Variants in PCDH15 observed in about 807,000 individuals in gnomAD.
PCDH15 encodes the protein protocadherin related 15, also known as protocadherin-15.
In PCDH15, 129 loss-of-function variants were observed where a neutral mutation model predicts 178.5. The ratio of observed to expected loss-of-function variants is 0.72; its 90% confidence interval spans 0.63 to 0.84. The LOEUF (loss-of-function observed/expected upper bound fraction) is 0.84. PCDH15 is among the 40% of genes least tolerant of loss of function. PCDH15 has a pLI of 0.00. For missense variants in PCDH15, 2,230 were observed against 2,099.9 expected (o/e 1.06, Z -1.21); for synonymous variants, 800 against 732.0 (o/e 1.09, Z -1.50).
intron 1 of PCDH15, among the ~76,000 whole-genome samples, chr10:55,206,866 A>T (rs1840416043): frequency 6.6e-6 from 1 of 152,096 alleles, no homozygotes; most frequent in Admixed American, 6.5e-5. Flanking sequence ...TTAAGCTAAA[A>T]GTAGATAGAT....
chr10:55,130,211 T>C (rs1426282526), intron 2 of PCDH15, among the ~76,000 whole-genome samples: 1 of 151,928 alleles, frequency 6.6e-6, no homozygotes, highest in African/African-American at 2.4e-5. Flanking sequence ...TGGATGTAGA[T>C]AGAAGGAGTG....
chr10:54,603,519 T>G (rs2092628911), intron 2 of PCDH15, among the ~76,000 whole-genome samples: 2 of 151,598 alleles, frequency 1.3e-5, no homozygotes, highest in Non-Finnish European at 2.9e-5. Flanking sequence ...CAGAAACATT[T>G]AATAGGTATT....
At chr10:54,707,098 G>T (rs537747710) in intron 1 of PCDH15, among the ~76,000 whole-genome samples, 1 of 152,238 alleles carries the variant, frequency 6.6e-6, no homozygotes, top group South Asian at 2.1e-4. Context: ...ACTCCTAGAG[G>T]CTGACCTCTA....
chr10:54,952,724 T>C (rs1337248656), intron 2 of PCDH15, among the ~76,000 whole-genome samples: 2 of 151,756 alleles, frequency 1.3e-5, no homozygotes, highest in Non-Finnish European at 3.0e-5. Flanking sequence ...TTGTTAGATT[T>C]TTTACCCAAG....
At position 55,005,226 on chromosome 10, in the gene PCDH15, A is replaced by AATAATAATCATCATCATC. The variant is rs34847205; in HGVS notation, c.-79-107727_-79-107726insGATGATGATGATTATTAT. On this transcript the variant is annotated intron_variant, in intron 2 of 5. Transcript: ENST00000458638. ...GTCTCTAAATAATAATAATAATAAT[A>AATAATAATCATCATCATC]ATCAATGGAGCCTCTTGGTAGAATT... Among the ~76,000 whole-genome samples the AATAATAATCATCATCATC allele has an allele frequency of 2.4e-3, 349 of 146,566 alleles. 4 individuals carry two copies. Among genetic ancestry groups the AATAATAATCATCATCATC allele is most frequent in the Middle Eastern group, 3.5e-3 (1 of 282 alleles).
intron 2 of PCDH15, among the ~76,000 whole-genome samples, chr10:55,474,785 G>T (rs562501166): frequency 1.3e-5 from 2 of 152,178 alleles, no homozygotes; most frequent in East Asian, 3.9e-4. Flanking sequence ...AAGATTGTTG[G>T]AACACATATG....
intron 14 of PCDH15, among the ~76,000 whole-genome samples, chr10:54,150,439 T>C (rs1261762428): frequency 6.6e-6 from 1 of 152,092 alleles, no homozygotes; most frequent in Non-Finnish European, 1.5e-5. Flanking sequence ...CTTCCTTTTT[T>C]TTTTGAACTA....
intron 1 of PCDH15, among the ~76,000 whole-genome samples, chr10:55,238,471 C>A (rs1375125927): frequency 6.6e-6 from 1 of 151,956 alleles, no homozygotes; most frequent in Non-Finnish European, 1.5e-5. Context: ...TTCTTAAGGA[C>A]CATATCCAAT....
At chr10:54,171,032 G>C (rs1051884929) in intron 13 of PCDH15, among the ~76,000 whole-genome samples, 14 of 152,058 alleles carry the variant, frequency 9.2e-5, no homozygotes, top group Non-Finnish European at 2.1e-4. Flanking sequence ...TCTTAGTCTA[G>C]GTAGATACTT....
chr10:55,152,536 A>C (rs1838758604), intron 2 of PCDH15, among the ~76,000 whole-genome samples: 1 of 152,170 alleles, frequency 6.6e-6, no homozygotes, highest in Non-Finnish European at 1.5e-5. Context: ...GTTAGAGCCA[A>C]GGTTTAAAAT....
At position 55,463,939 on chromosome 10, in the gene PCDH15, AAG is replaced by A. The variant is rs1360975207; in HGVS notation, c.-156+163684_-156+163685del. ...AAAGAAAGAAAGAAAGAAAGAAAGAAAGAAAGAAAGAAAGAAAGAAAGAAAGA... is the reference window on the plus strand; with the variant it reads ...AAAGAAAGAAAGAAAGAAAGAAAGAAAAAGAAAGAAAGAAAGAAAGAAAGA... On this transcript the variant is annotated intron_variant, in intron 2 of 5. Coordinates refer to the PCDH15 transcript ENST00000613346. Among the ~76,000 whole-genome samples the A allele has an allele frequency of 9.7e-4, 23 of 23,716 alleles. 2 individuals are homozygous for A. In the East Asian group the frequency reaches 0.03, roughly 31 times the overall value. The allele number at this position is 23,716 out of a possible 152,430, so 15.6% of individuals were successfully genotyped here. A position where few individuals can be genotyped will look rare whatever the true frequency, so the allele number is the denominator to read the frequency against.
chr10:54,942,712 T>C (rs563756289), intron 2 of PCDH15, among the ~76,000 whole-genome samples: 2 of 152,128 alleles, frequency 1.3e-5, no homozygotes, highest in South Asian at 2.1e-4. Context: ...TTATTTCTTA[T>C]AGAGTGCGGA....
At chr10:54,351,711 C>T (rs989800570) in intron 5 of PCDH15, among the ~76,000 whole-genome samples, 5 of 152,150 alleles carry the variant, frequency 3.3e-5, no homozygotes, top group African/African-American at 1.2e-4. Flanking sequence ...TCAATTGCAA[C>T]AGGATGGCCA....
chr10:54,653,128 A>G (rs1347409378), intron 2 of PCDH15, among the ~76,000 whole-genome samples: 1 of 152,200 alleles, frequency 6.6e-6, no homozygotes, highest in Admixed American at 6.5e-5. Flanking sequence ...ACAAGAACAG[A>G]TGACTTAGAT....
rs561775823 is a variant in PCDH15, at chr10:55,222,562, C to T, written c.-155-55911G>A. 2.3e-3 allele frequency among the ~76,000 whole-genome samples: 351 copies of T among 151,364 alleles called. 3 individuals carry two copies. Among genetic ancestry groups the T allele is most frequent in the Non-Finnish European group, 2.2e-3 (146 of 67,894 alleles). Reference sequence around the variant, plus strand: ...TCATTGTTTATTTTCTTTTTCTTAACGTGCCAGCTGGAGAACTACTAATGT... The same window carrying T: ...TCATTGTTTATTTTCTTTTTCTTAATGTGCCAGCTGGAGAACTACTAATGT... On this transcript the variant is annotated intron_variant, in intron 1 of 5. Coordinates refer to the PCDH15 transcript ENST00000458638.
intron 2 of PCDH15, among the ~76,000 whole-genome samples, chr10:54,988,741 G>A (rs1402870679): frequency 5.3e-5 from 8 of 152,188 alleles, no homozygotes; most frequent in Non-Finnish European, 7.3e-5. Flanking sequence ...GGGAAGCAGA[G>A]CATTAAGTTC....
chr10:54,084,927 T>C (rs766004138), intron 16 of PCDH15, among the ~76,000 whole-genome samples: 47 of 152,154 alleles, frequency 3.1e-4, no homozygotes, highest in Non-Finnish European at 2.4e-4. Flanking sequence ...GATTAGAGTA[T>C]ACTTTAAAAT....
chr10:55,559,436 T>C (rs1234422301), intron 2 of PCDH15, among the ~76,000 whole-genome samples: 1 of 151,968 alleles, frequency 6.6e-6, no homozygotes, highest in Non-Finnish European at 1.5e-5. Flanking sequence ...AAGCAAATCA[T>C]ATGTGGCCAT....
At chr10:54,475,458 C>T (rs2078212769) in intron 3 of PCDH15, among the ~76,000 whole-genome samples, 1 of 151,734 alleles carries the variant, frequency 6.6e-6, no homozygotes. Flanking sequence ...TTGCAAGATC[C>T]CTATACATAT....
Sources: gnomAD v4.1 joint callset for allele counts (sites outside exome capture counted in the v4.1 genomes callset) on GRCh38, gnomAD v4.1.1 for gene constraint, MANE v1.5 for transcripts, NCBI Gene and HGNC (gene_info 2026-07-23, HGNC 2026-07-21) for gene names.